The following TRAF2 variants were observed in gnomAD, a reference collection of about 807,000 sequenced individuals.
TRAF2 encodes the protein TNF receptor associated factor 2.
Under a neutral mutation model 55.6 loss-of-function variants are expected in TRAF2, and 6 were observed. The observed-to-expected ratio is 0.11, with a 90% CI of 0.06 to 0.21. TRAF2 has a LOEUF of 0.21. TRAF2 is among the 10% of genes least tolerant of loss of function. TRAF2 has a pLI of 1.00. For missense variants in TRAF2, 561 were observed against 684.5 expected (o/e 0.82, Z 2.01); for synonymous variants, 329 against 276.3 (o/e 1.19, Z -1.89).
rs1243782447 is a variant in TRAF2 at position 136,908,080 on chromosome 9, A to G, written c.377A>G (p.Glu126Gly). Residue 126 changes from glutamate to glycine, a missense_variant, in exon 5 of 11, where the codon GAA (glutamate) becomes GGA (glycine). Physicochemically the swap from Glu to Gly is moderately conservative, Grantham distance 98. This residue lies in a region of TRAF2 where 426 missense variants were observed against 476.8 expected (regional missense o/e 0.89). Coordinates refer to ENST00000247668, the MANE Select transcript of TRAF2 (RefSeq NM_021138.4). ...TCCTTTCGTTGCTAGAGCTGCCACG[A>G]AGGCCGCTGCCCGCTCATGCTGACC... ...GTLKEYESCH[E>G]GRCPLMLTEC... 2 of 1,602,034 alleles carry G rather than the reference A, an allele frequency of 1.2e-6. No individual in the cohort carries two copies. The highest frequency in any genetic ancestry group is 1.7e-6 in the Non-Finnish European group (2 of 1,178,510).
chr9:136,911,443 C>A (rs1203775922), intron 6 of TRAF2, among the ~76,000 whole-genome samples: 1 of 151,956 alleles, frequency 6.6e-6, no homozygotes, highest in Non-Finnish European at 1.5e-5. Context: ...TTTGTATTTT[C>A]AGTAGAGATG....
chr9:136,908,749 A>T (rs897095917), intron 5 of TRAF2, among the ~76,000 whole-genome samples: 1 of 152,094 alleles, frequency 6.6e-6, no homozygotes, highest in South Asian at 2.1e-4. Context: ...GGGCGCCTGC[A>T]GTCCCAGCTA....
chr9:136,898,998 C>G, intron 2 of TRAF2, 70 bp downstream of exon 2: 1 of 1,473,496 alleles, frequency 6.8e-7, no homozygotes, highest in Non-Finnish European at 9.1e-7. Context: ...CGCTGCCCAG[C>G]CTGGTAGCTC....
chr9:136,897,550 A>G (rs1287534807), intron 1 of TRAF2, among the ~76,000 whole-genome samples: 464 of 104,620 alleles, frequency 4.4e-3, no homozygotes, highest in Middle Eastern at 0.017. Context: ...GCTAAAGGGA[A>G]TGCACTAGCC....
intron 1 of TRAF2, among the ~76,000 whole-genome samples, chr9:136,891,003 C>G (rs1322228312): frequency 6.6e-6 from 1 of 152,198 alleles, no homozygotes; most frequent in Non-Finnish European, 1.5e-5. Flanking sequence ...TCCTGAGTGG[C>G]TGGGACCACA....
At chr9:136,906,877 C>T (rs1849966476) in intron 4 of TRAF2, among the ~76,000 whole-genome samples, 1 of 152,210 alleles carries the variant, frequency 6.6e-6, no homozygotes, top group South Asian at 2.1e-4. Flanking sequence ...GTAGTGCCTG[C>T]CACCCCGTTC....
At chr9:136,899,384 C>G (rs1170582722) in intron 2 of TRAF2, among the ~76,000 whole-genome samples, 8 of 152,132 alleles carry the variant, frequency 5.3e-5, no homozygotes, top group Non-Finnish European at 7.4e-5. Flanking sequence ...TTCAGGCGTG[C>G]CTTCCTCACA....
chr9:136,912,838 A>AAAAACAAGTCAAGGC (rs1460171844), intron 6 of TRAF2, among the ~76,000 whole-genome samples: 1 of 152,152 alleles, frequency 6.6e-6, no homozygotes, highest in Non-Finnish European at 1.5e-5. Flanking sequence ...GCCTGTCTAA[A>AAAAACAAGTCAAGGC]AAAACAAGTC....
At chr9:136,911,686 G>A (rs1850109842) in intron 6 of TRAF2, among the ~76,000 whole-genome samples, 1 of 152,084 alleles carries the variant, frequency 6.6e-6, no homozygotes, top group African/African-American at 2.4e-5. Flanking sequence ...TCTAGGCATG[G>A]AACTCTGGCC....
At chr9:136,904,645 G>A (rs1849904108) in intron 4 of TRAF2, among the ~76,000 whole-genome samples, 1 of 152,142 alleles carries the variant, frequency 6.6e-6, no homozygotes, top group Admixed American at 6.5e-5. Flanking sequence ...CTGAGCTCGT[G>A]ATCCACCCGC....
chr9:136,887,607 C>T (rs1849483296), intron 1 of TRAF2, among the ~76,000 whole-genome samples: 1 of 152,108 alleles, frequency 6.6e-6, no homozygotes, highest in Non-Finnish European at 1.5e-5. Flanking sequence ...AGAACGGACC[C>T]TGCTCTGTGG....
Position 136,910,237 on chromosome 9 carries a change from C to T in TRAF2, c.603+243C>T, listed in dbSNP as rs529710519. Reference sequence around the variant, plus strand: ...ATCCTCCAGTGTACATAGCTGCTTACTTTTCAGCAGGTCACTTCCTAGTTA... The same window carrying T: ...ATCCTCCAGTGTACATAGCTGCTTATTTTTCAGCAGGTCACTTCCTAGTTA... On this transcript the variant is annotated intron_variant, in intron 6 of 10. Coordinates refer to ENST00000247668, the MANE Select transcript of TRAF2 (RefSeq NM_021138.4). 10 of 567,342 alleles carry T rather than the reference C, an allele frequency of 1.8e-5. No homozygotes were observed. In the South Asian group the frequency reaches 1.9e-4, roughly 11 times the overall value. 35.1% of individuals were successfully genotyped at this position (567,342 alleles called of 1,614,324 possible).
In TRAF2 at chr9:136,886,986, G is replaced by T. The variant is rs17243641; in HGVS notation, c.-29+445G>T. On this transcript the variant is annotated intron_variant, in intron 1 of 10. Coordinates refer to ENST00000247668, the MANE Select transcript of TRAF2 (RefSeq NM_021138.4). ...CGCACCCTCAGCCGGCTGCGTGCTC[G>T]GGAGGGTCAGGGGCGCCTCCGACCC... Among the ~76,000 whole-genome samples, 360 of 152,286 alleles carry T rather than the reference G, an allele frequency of 2.4e-3. 2 individuals are homozygous for T. Among genetic ancestry groups the T allele is most frequent in the African/African-American group, 8.4e-3 (351 of 41,570 alleles).
chr9:136,889,131 G>GATT (rs1849520808), intron 1 of TRAF2, among the ~76,000 whole-genome samples: 2 of 152,112 alleles, frequency 1.3e-5, no homozygotes, highest in Admixed American at 1.3e-4. Flanking sequence ...AGAGTGCTGG[G>GATT]ATTACAGGTG....
chr9:136,895,583 G>A (rs1252543922), intron 1 of TRAF2, among the ~76,000 whole-genome samples: 1 of 152,160 alleles, frequency 6.6e-6, no homozygotes, highest in Non-Finnish European at 1.5e-5. Context: ...GGCCAGGCAC[G>A]GTGGCTCCTA....
At chr9:136,897,853 C>G (rs1476992627) in intron 1 of TRAF2, among the ~76,000 whole-genome samples, 4 of 117,242 alleles carry the variant, frequency 3.4e-5, no homozygotes, top group East Asian at 2.7e-4. Context: ...AGTGCACTAG[C>G]CAGCCTCAGG....
rs1850002170 is a variant in TRAF2, at chr9:136,908,138, T to C, written c.435T>C (p.Leu145=). 3 of 1,605,254 alleles carry C rather than the reference T, an allele frequency of 1.9e-6. No individual in the cohort carries two copies. The highest frequency in any genetic ancestry group is 1.6e-4 in the Middle Eastern group (1 of 6,084). Reference sequence around the variant, plus strand: ...CCGCGTGCAAAGGCCTGGTCCGCCTTGGTGAAAAGGAGCGCCACCTGGAGC... The same window carrying C: ...CCGCGTGCAAAGGCCTGGTCCGCCTCGGTGAAAAGGAGCGCCACCTGGAGC... ...ECPACKGLVR[L]GEKERHLEHE... The change falls in exon 5 of 11, where the codon CTT becomes CTC. Residue 145 remains leucine (L), a synonymous_variant. Coordinates refer to ENST00000247668, the MANE Select transcript of TRAF2 (RefSeq NM_021138.4).
intron 10 of TRAF2, among the ~76,000 whole-genome samples, chr9:136,924,803 G>GCC (rs1471668239): frequency 6.6e-6 from 1 of 151,916 alleles, no homozygotes; most frequent in South Asian, 2.1e-4. Flanking sequence ...GCAGTGGCAT[G>GCC]ATCTCGGCTC....
intron 9 of TRAF2, 144 bp downstream of exon 9, chr9:136,921,359 T>A: frequency 9.2e-7 from 1 of 1,083,532 alleles, no homozygotes; most frequent in Non-Finnish European, 1.3e-6. Context: ...TACACCTCCC[T>A]GAGTGGCAAG....
Sources: gnomAD v4.1 joint callset for allele counts (sites outside exome capture counted in the v4.1 genomes callset) on GRCh38, gnomAD v4.1.1 for gene constraint, gnomAD v4.1.1 regional missense constraint, MANE v1.5 for transcripts, NCBI Gene and HGNC (gene_info 2026-07-23, HGNC 2026-07-21) for gene names.